The following TMEM255B variants were observed in gnomAD, a reference collection of about 807,000 sequenced individuals.
TMEM255B encodes family with sequence similarity 70, member B.
A neutral mutation model predicts 34.5 loss-of-function variants in TMEM255B; 35 were observed. The observed-to-expected ratio is 1.01, with a 90% CI of 0.77 to 1.34. TMEM255B has a LOEUF of 1.34. Ranked by LOEUF, TMEM255B falls within the 40% of genes most tolerant of loss-of-function variation. TMEM255B has a pLI of 0.00. For missense variants in TMEM255B, 432 were observed against 433.2 expected, an observed-to-expected ratio of 1.00 and a Z score of 0.02; for synonymous variants, 206 against 201.2, an observed-to-expected ratio of 1.02 and a Z score of -0.20.
intron 2 of TMEM255B, 131 bp downstream of exon 2, chr13:113,766,388 G>T (rs2050391061): frequency 3.0e-6 from 4 of 1,319,618 alleles, no homozygotes; most frequent in Non-Finnish European, 3.2e-6. Flanking sequence ...CTTGTGGTCG[G>T]CAGGGTTATG....
At chr13:113,764,003 C>T (rs567385439) in intron 1 of TMEM255B, among the ~76,000 whole-genome samples, 8 of 152,356 alleles carry the variant, frequency 5.3e-5, no homozygotes, top group African/African-American at 1.4e-4. Context: ...CCCATCCCCT[C>T]ATGCAGGGCA....
chr13:113,772,282 T>G (rs939632455), intron 3 of TMEM255B, among the ~76,000 whole-genome samples: 1 of 152,262 alleles, frequency 6.6e-6, no homozygotes, highest in African/African-American at 2.4e-5. Context: ...CCTCACATTC[T>G]GTACATTGCC....
intron 3 of TMEM255B, among the ~76,000 whole-genome samples, chr13:113,773,938 C>T (rs7489746): frequency 0.15 from 23,146 of 152,198 alleles, 1,911 homozygotes; most frequent in Middle Eastern, 0.21. Flanking sequence ...AGGCTGTCAA[C>T]GTCAGCTACA....
intron 5 of TMEM255B, among the ~76,000 whole-genome samples, chr13:113,800,301 C>CTGTGTGTGTGTGTGTGTGTG (rs1220505809): frequency 6.2e-5 from 6 of 97,098 alleles, no homozygotes; most frequent in East Asian, 3.9e-4. Flanking sequence ...GAGGCGTCCT[C>CTGTGTGTGTGTGTGTGTGTG]TGTGTGTGTG....
intron 7 of TMEM255B, among the ~76,000 whole-genome samples, chr13:113,804,066 C>T (rs1594164867): frequency 6.6e-6 from 1 of 152,184 alleles, no homozygotes; most frequent in Non-Finnish European, 1.5e-5. Flanking sequence ...TGGAGGGGCA[C>T]CTGTGTGAAG....
In TMEM255B at chr13:113,812,300, G is replaced by T; in HGVS notation, c.*397G>T. The stretch of plus-strand genomic sequence containing the variant: ...TGTGGACATGTGTTGTGCGTTACAC[G>T]TTCGTGTGTGCATCTGTGTCCTGGA... On this transcript the variant is annotated 3_prime_UTR_variant, in exon 9 of 9. Coordinates refer to ENST00000375353, the MANE Select transcript of TMEM255B (RefSeq NM_182614.4). 4.7e-6 allele frequency: 1 copy of T among 214,718 alleles called. No homozygotes were observed. The highest frequency in any genetic ancestry group is 7.9e-5 in the South Asian group (1 of 12,608). 13.3% of individuals were successfully genotyped at this position (214,718 alleles called of 1,614,324 possible).
intron 1 of TMEM255B, among the ~76,000 whole-genome samples, chr13:113,763,115 ATGGAGGCTGG>A (rs1239595827): frequency 6.6e-6 from 1 of 152,224 alleles, no homozygotes; most frequent in African/African-American, 2.4e-5. Context: ...CAGGTGTTAC[ATGGAGGCTGG>A]TGAGGGTGAC....
intron 1 of TMEM255B, among the ~76,000 whole-genome samples, chr13:113,763,164 A>G (rs2050335067): frequency 6.6e-6 from 1 of 152,212 alleles, no homozygotes; most frequent in African/African-American, 2.4e-5. Flanking sequence ...ATCAAATGAG[A>G]TAAGGAAGTT....
intron 3 of TMEM255B, among the ~76,000 whole-genome samples, chr13:113,783,846 GTTTCGGAGGAAGGGA>G (rs1317146347): frequency 6.6e-6 from 1 of 152,096 alleles, no homozygotes; most frequent in East Asian, 1.9e-4. Flanking sequence ...GTCAGAAGGG[GTTTCGGAGGAAGGGA>G]TTTCGGAGGA....
At chr13:113,808,432 G>T (rs2051225383) in intron 8 of TMEM255B, among the ~76,000 whole-genome samples, 1 of 152,188 alleles carries the variant, frequency 6.6e-6, no homozygotes, top group Non-Finnish European at 1.5e-5. Context: ...GGGGGGCCCT[G>T]TCATTCAGTG....
chr13:113,779,660 C>T lies in TMEM255B; in HGVS notation c.252+10500C>T, dbSNP rs555493945. Among the ~76,000 whole-genome samples, 25 of 152,276 alleles carry T rather than the reference C, an allele frequency of 1.6e-4. 1 individual carries two copies. The South Asian group carries it at 4.8e-3, about 29-fold the overall frequency. ...GTAGAGGGAGCGTCTGCTGATACAT[C>T]TCGTCTTCAGCTTATGGGGCTTTAA... On this transcript the variant is annotated intron_variant, in intron 3 of 8. Coordinates refer to ENST00000375353, the MANE Select transcript of TMEM255B (RefSeq NM_182614.4).
rs1184210608 is a variant in TMEM255B, at chr13:113,813,805, G to C, written c.*1902G>C. 6.6e-6 allele frequency: 1 copy of C among 152,268 alleles called. No homozygotes were observed. The highest frequency in any genetic ancestry group is 2.4e-5 in the African/African-American group (1 of 41,464). 9.4% of individuals were successfully genotyped at this position (152,268 alleles called of 1,614,324 possible). A position where few individuals can be genotyped will look rare whatever the true frequency, so the allele number is the denominator to read the frequency against. ...TAAAATCCAGCCTCACAAGCTTGCTGTCCAGGAGAATGTGGTCTTGGCCTC... is the reference window on the plus strand; with the variant it reads ...TAAAATCCAGCCTCACAAGCTTGCTCTCCAGGAGAATGTGGTCTTGGCCTC... On this transcript the variant is annotated 3_prime_UTR_variant, in exon 9 of 9. Coordinates refer to ENST00000375353, the MANE Select transcript of TMEM255B (RefSeq NM_182614.4).
chr13:113,762,401 A>G (rs1262205702), intron 1 of TMEM255B, among the ~76,000 whole-genome samples: 1 of 152,172 alleles, frequency 6.6e-6, no homozygotes, highest in Non-Finnish European at 1.5e-5. Flanking sequence ...CCAGTGCCCC[A>G]TGTAAGTTCT....
At chr13:113,798,470 A>G (rs1046314832) in intron 4 of TMEM255B, among the ~76,000 whole-genome samples, 9 of 147,662 alleles carry the variant, frequency 6.1e-5, no homozygotes, top group African/African-American at 2.0e-4. Context: ...TAATGGATGG[A>G]TGATGGATGG....
At position 113,811,751 on chromosome 13, in the gene TMEM255B, C is replaced by G. The variant is rs528853185; in HGVS notation, c.829C>G (p.Pro277Ala). 1.2e-6 allele frequency: 2 copies of G among 1,613,762 alleles called. No homozygotes were observed. The highest frequency in any genetic ancestry group is 2.2e-5 in the South Asian group (2 of 91,078). The stretch of plus-strand genomic sequence containing the variant: ...TTTATTGCAGCCCTGCAGCCGCTTC[C>G]CAGTTGCGCCCTCCTCTGCCCTGGC... ...PLPLQPCSRF[P>A]VAPSSALASS... is the part of the protein sequence containing the mutation. The change falls in exon 9 of 9, where the codon CCA (proline) becomes GCA (alanine). Residue 277 changes from proline to alanine, a missense_variant. Transcript: ENST00000375353.
rs747109815 is a variant in TMEM255B at position 113,801,669 on chromosome 13, G to T, written c.526G>T (p.Ala176Ser). 1 of 1,610,412 alleles carries T rather than the reference G, an allele frequency of 6.2e-7. No homozygotes were observed. The highest frequency in any genetic ancestry group is 1.1e-5 in the South Asian group (1 of 90,766). Reference protein sequence around the residue: ...YACGSAEPSPAYYEFIGVSGC... With the variant: ...YACGSAEPSPSYYEFIGVSGC... ...TCTGTGCAGCGCAGAGCCCTCGCCCGCCTACTATGAGTTCATCGGCGTCAG... is the reference window on the plus strand; with the variant it reads ...TCTGTGCAGCGCAGAGCCCTCGCCCTCCTACTATGAGTTCATCGGCGTCAG... The change falls in exon 7 of 9, where the codon GCC (alanine) becomes TCC (serine). Residue 176 changes from alanine (A) to serine (S), a missense_variant. Coordinates refer to ENST00000375353, the MANE Select transcript of TMEM255B (RefSeq NM_182614.4).
chr13:113,799,525 A>G, intron 5 of TMEM255B, 106 bp downstream of exon 5: 2 of 1,088,116 alleles, frequency 1.8e-6, no homozygotes, highest in Non-Finnish European at 2.7e-6. Context: ...TGATTCTAAT[A>G]GTTCCTGGGG....
Position 113,811,902 on chromosome 13 carries a change from G to A in TMEM255B, c.980G>A (p.Ter327=). 1 of 1,591,034 alleles carries A rather than the reference G, an allele frequency of 6.3e-7. No individual in the cohort carries two copies. The highest frequency in any genetic ancestry group is 8.5e-7 in the Non-Finnish European group (1 of 1,172,220). ...GAGAAGCCACCCCCCTACGCACCCT[G>A]ATAGAGGCGTGGAGTAAAAGATAAC... is the stretch of plus-strand genomic sequence containing the variant. ...PGEKPPPYAP[*] The change falls in exon 9 of 9, where the codon TGA becomes TAA. Residue 327 remains the stop codon, a stop_retained_variant. Coordinates refer to ENST00000375353, the MANE Select transcript of TMEM255B (RefSeq NM_182614.4).
chr13:113,790,668 A>G (rs1380571344), intron 3 of TMEM255B, among the ~76,000 whole-genome samples: 1 of 148,100 alleles, frequency 6.8e-6, no homozygotes, highest in Non-Finnish European at 1.5e-5. Context: ...ACACGTGGAC[A>G]TCCTAGCACT....
Sources: gnomAD v4.1 joint callset for allele counts (sites outside exome capture counted in the v4.1 genomes callset) on GRCh38, gnomAD v4.1.1 for gene constraint, MANE v1.5 for transcripts, NCBI Gene and HGNC (gene_info 2026-07-23, HGNC 2026-07-21) for gene names.